Variants in ACOXL observed in about 807,000 individuals in gnomAD.
ACOXL encodes the protein acyl-CoA oxidase like, also known as acyl-coenzyme A oxidase-like protein.
In ACOXL, 70 loss-of-function variants were observed where a neutral mutation model predicts 71.9. That is an observed-to-expected ratio of 0.97 (90% CI 0.80 to 1.19). ACOXL has a LOEUF of 1.19. Ranked by LOEUF, ACOXL falls within the 50% of genes most tolerant of loss-of-function variation. The probability of loss-of-function intolerance (pLI) is 0.00; values close to 1 mark genes in which losing one functional copy is unlikely to be tolerated. For missense variants in ACOXL, 703 were observed against 736.3 expected (o/e 0.95, Z 0.52); for synonymous variants, 253 against 281.6 (o/e 0.90, Z 1.02).
intron 12 of ACOXL, among the ~76,000 whole-genome samples, chr2:110,977,153 G>A (rs1449538946): frequency 5.3e-5 from 8 of 152,126 alleles, no homozygotes; most frequent in African/African-American, 7.2e-5. Flanking sequence ...TTGGGAGGCC[G>A]AGGTGGGCGG....
intron 1 of ACOXL, among the ~76,000 whole-genome samples, chr2:110,744,627 G>C (rs901126076): frequency 6.6e-6 from 1 of 152,128 alleles, no homozygotes; most frequent in Admixed American, 6.6e-5. Flanking sequence ...CCCACACTTT[G>C]CCATAGGACC....
chr2:110,980,594 C>T (rs1290354981), intron 12 of ACOXL, among the ~76,000 whole-genome samples: 1 of 152,194 alleles, frequency 6.6e-6, no homozygotes, highest in African/African-American at 2.4e-5. Flanking sequence ...GAAATTCTAA[C>T]AGGAAATCGC....
intron 12 of ACOXL, among the ~76,000 whole-genome samples, chr2:110,961,193 A>G (rs112323394): frequency 6.6e-6 from 1 of 152,204 alleles, no homozygotes; most frequent in Admixed American, 6.5e-5. Context: ...GAGGGCTGTG[A>G]GCCCTGTTAC....
intron 10 of ACOXL, among the ~76,000 whole-genome samples, chr2:110,870,762 G>A (rs1695174789): frequency 1.3e-5 from 2 of 152,178 alleles, no homozygotes; most frequent in African/African-American, 4.8e-5. Context: ...CTCTTCCTTT[G>A]TAATTTCTGA....
intron 11 of ACOXL, among the ~76,000 whole-genome samples, chr2:110,925,472 T>C (rs528772513): frequency 3.3e-5 from 5 of 152,396 alleles, no homozygotes; most frequent in African/African-American, 1.2e-4. Flanking sequence ...TCACCTTGCA[T>C]TTCTATGCTA....
intron 9 of ACOXL, among the ~76,000 whole-genome samples, chr2:110,827,018 G>A (rs1159958938): frequency 2.6e-5 from 4 of 152,156 alleles, no homozygotes; most frequent in Non-Finnish European, 5.9e-5. Context: ...TTGGCTGCCC[G>A]AGCCCAGGGG....
At chr2:110,773,576 C>G (rs1682247755) in intron 2 of ACOXL, among the ~76,000 whole-genome samples, 1 of 152,210 alleles carries the variant, frequency 6.6e-6, no homozygotes, top group Non-Finnish European at 1.5e-5. Flanking sequence ...CCAGGACTGG[C>G]TCCTGACCGA....
chr2:111,060,806 T>C (rs71431138), intron 16 of ACOXL, among the ~76,000 whole-genome samples: 11,548 of 152,114 alleles, frequency 0.076, 596 homozygotes, highest in Non-Finnish European at 0.11. Flanking sequence ...AATAAAATCA[T>C]CTCAGCAAAG....
At chr2:110,905,745 T>C (rs1444331268) in intron 10 of ACOXL, among the ~76,000 whole-genome samples, 3 of 152,142 alleles carry the variant, frequency 2.0e-5, no homozygotes, top group Non-Finnish European at 4.4e-5. Flanking sequence ...TCCAGCAGAT[T>C]GCATTATGGG....
At chr2:111,071,543 G>C (rs2067341624) in intron 16 of ACOXL, among the ~76,000 whole-genome samples, 1 of 152,232 alleles carries the variant, frequency 6.6e-6, no homozygotes, top group Admixed American at 6.5e-5. Context: ...CAATAATGCA[G>C]ATCCCAAGTG....
chr2:110,868,238 A>G (rs1011503327), intron 10 of ACOXL, among the ~76,000 whole-genome samples: 1 of 152,246 alleles, frequency 6.6e-6, no homozygotes, highest in African/African-American at 2.4e-5. Context: ...GCGAGTTTCT[A>G]AATGAAACTT....
intron 16 of ACOXL, among the ~76,000 whole-genome samples, chr2:111,057,600 G>A (rs1239329261): frequency 6.6e-6 from 1 of 152,150 alleles, no homozygotes; most frequent in Non-Finnish European, 1.5e-5. Context: ...GATTAGGAGG[G>A]GGAAGGCAGA....
At chr2:110,919,423 G>C (rs1021168239) in intron 11 of ACOXL, among the ~76,000 whole-genome samples, 51 of 151,876 alleles carry the variant, frequency 3.4e-4, no homozygotes, top group African/African-American at 1.1e-3. Context: ...GGGGGGCAAG[G>C]GGAGGGATAG....
intron 1 of ACOXL, among the ~76,000 whole-genome samples, chr2:110,735,085 T>C (rs1658381422): frequency 6.6e-6 from 1 of 152,216 alleles, no homozygotes; most frequent in African/African-American, 2.4e-5. Context: ...CCAGTTCTTG[T>C]TTATTTACTT....
chr2:111,011,602 A>G (rs1404680829), intron 14 of ACOXL, among the ~76,000 whole-genome samples: 2 of 152,086 alleles, frequency 1.3e-5, no homozygotes, highest in African/African-American at 4.8e-5. Flanking sequence ...GTTACCAGGG[A>G]CCAGGTGCAG....
At chr2:111,035,464 C>T (rs2065466906) in intron 15 of ACOXL, among the ~76,000 whole-genome samples, 1 of 151,980 alleles carries the variant, frequency 6.6e-6, no homozygotes, top group Non-Finnish European at 1.5e-5. Context: ...AATTCCTAAA[C>T]AAAAAAGGAG....
At chr2:110,734,528 C>G (rs999825115) in intron 1 of ACOXL, among the ~76,000 whole-genome samples, 1 of 152,028 alleles carries the variant, frequency 6.6e-6, no homozygotes, top group East Asian at 1.9e-4. Flanking sequence ...GCCTCGGTCT[C>G]CCAAAGTGCT....
intron 9 of ACOXL, among the ~76,000 whole-genome samples, chr2:110,834,069 T>C (rs1349325090): frequency 6.6e-6 from 1 of 152,226 alleles, no homozygotes; most frequent in Non-Finnish European, 1.5e-5. Flanking sequence ...AACGTTTTTG[T>C]TAACTGACCA....
At position 110,838,261 on chromosome 2, in the gene ACOXL, T is replaced by A. The variant is rs189078702; in HGVS notation, c.754-3110T>A. 1.7e-3 allele frequency among the ~76,000 whole-genome samples: 255 copies of A among 152,218 alleles called. 1 individual carries two copies. Among genetic ancestry groups the A allele is most frequent in the Admixed American group, 4.2e-3 (64 of 15,304 alleles). ...GTGCATGTCTGAATGTGGACGAGTG[T>A]ATGTGTGTGTGCCTGCATGTGTGCA... is the stretch of plus-strand genomic sequence containing the variant. On this transcript the variant is annotated intron_variant, in intron 9 of 17. Coordinates refer to ENST00000439055, the MANE Select transcript of ACOXL (RefSeq NM_001142807.4).
Sources: allele counts gnomAD v4.1 joint callset (sites outside exome capture counted in the v4.1 genomes callset), GRCh38; gene constraint gnomAD v4.1.1; transcripts MANE v1.5; gene names NCBI Gene and HGNC (gene_info 2026-07-23, HGNC 2026-07-21).